The following GALNT18 variants were observed in gnomAD, a reference collection of about 807,000 sequenced individuals.
GALNT18 encodes the protein polypeptide N-acetylgalactosaminyltransferase 18, also known as GalNAc-transferase 18.
A neutral mutation model predicts 69.5 loss-of-function variants in GALNT18; 44 were observed. The ratio of observed to expected loss-of-function variants is 0.63; its 90% CI spans 0.50 to 0.81. The LOEUF (loss-of-function observed/expected upper bound fraction) is 0.81, where lower values mean the gene tolerates loss of function less well. GALNT18 is among the 40% of genes least tolerant of loss of function. The pLI is 0.00. For missense variants in GALNT18, 715 were observed against 810.0 expected, an observed-to-expected ratio of 0.88 and a Z score of 1.42; for synonymous variants, 364 against 318.2, an observed-to-expected ratio of 1.14 and a Z score of -1.53.
intron 2 of GALNT18, among the ~76,000 whole-genome samples, chr11:11,445,619 CG>C (rs1855630197): frequency 6.6e-6 from 1 of 152,186 alleles, no homozygotes; most frequent in East Asian, 1.9e-4. Context: ...GCGTCTGGCA[CG>C]TGAGCTGAAA....
chr11:11,471,527 C>A (rs1173179790), intron 1 of GALNT18, among the ~76,000 whole-genome samples: 1 of 152,092 alleles, frequency 6.6e-6, no homozygotes, highest in East Asian at 1.9e-4. Flanking sequence ...GCTGTGATTC[C>A]CCAGGTCTCT....
At chr11:11,418,481 C>T (rs185017634) in intron 3 of GALNT18, among the ~76,000 whole-genome samples, 1 of 152,258 alleles carries the variant, frequency 6.6e-6, no homozygotes, top group Admixed American at 6.5e-5. Flanking sequence ...TTACCCAAAT[C>T]CATTCAATCA....
intron 1 of GALNT18, among the ~76,000 whole-genome samples, chr11:11,550,518 A>G (rs1435175307): frequency 6.6e-6 from 1 of 152,036 alleles, no homozygotes; most frequent in Non-Finnish European, 1.5e-5. Flanking sequence ...TTCTCTCCTC[A>G]CCACCTACCT....
intron 5 of GALNT18, among the ~76,000 whole-genome samples, chr11:11,376,423 G>A (rs1260897320): frequency 2.0e-5 from 3 of 151,730 alleles, no homozygotes; most frequent in African/African-American, 7.3e-5. Flanking sequence ...AACTAGTGGG[G>A]ACAGCTTTTG....
At position 11,404,248 on chromosome 11, in the gene GALNT18, C is replaced by T. The variant is rs1854535323; in HGVS notation, c.596-24984G>A. On this transcript the variant is annotated intron_variant, in intron 3 of 10. Transcript: ENST00000227756. This position sits in a 1 kb window ranked among gnomAD's most constrained non-coding sequence, Gnocchi z 4.5. The stretch of plus-strand genomic sequence containing the variant: ...TCCAGGAAATGGGGATGGCATTGAT[C>T]ACTGAATTCCCCAGGGGAGCCCTGG... Among the ~76,000 whole-genome samples the T allele has an allele frequency of 6.6e-6, 1 of 152,178 alleles. No individual in the cohort carries two copies. The highest frequency in any genetic ancestry group is 2.4e-5 in the African/African-American group (1 of 41,454).
At chr11:11,290,742 C>T (rs916223527) in intron 10 of GALNT18, among the ~76,000 whole-genome samples, 2 of 152,170 alleles carry the variant, frequency 1.3e-5, no homozygotes, top group African/African-American at 4.8e-5. Context: ...CAACTTCCTG[C>T]ATGGTTCCAT....
rs1261148872 is a variant in GALNT18, at chr11:11,432,428, C to T, written c.595+193G>A. 1.3e-5 allele frequency among the ~76,000 whole-genome samples: 2 copies of T among 152,168 alleles called. No individual in the cohort carries two copies. The highest frequency in any genetic ancestry group is 2.9e-5 in the Non-Finnish European group (2 of 68,030). On this transcript the variant is annotated intron_variant, in intron 3 of 10. Coordinates refer to ENST00000227756, the MANE Select transcript of GALNT18 (RefSeq NM_198516.3). The surrounding 1 kb of genome is among the most constrained non-coding windows in gnomAD (Gnocchi z 5.8). ...GAGAAAAAGCCTAAGGACCAGACCC[C>T]TCTGGGATGCAGAGGCCATGCTCAG...
At chr11:11,302,813 C>T (rs1242747201) in intron 9 of GALNT18, among the ~76,000 whole-genome samples, 2 of 152,238 alleles carry the variant, frequency 1.3e-5, no homozygotes, top group Non-Finnish European at 2.9e-5. Flanking sequence ...TCATTGCACT[C>T]AGCCTTAAAA....
chr11:11,495,775 G>A (rs772350419), intron 1 of GALNT18, among the ~76,000 whole-genome samples: 3 of 152,122 alleles, frequency 2.0e-5, no homozygotes, highest in Admixed American at 6.5e-5. Flanking sequence ...TTATAGAAGC[G>A]GTAGCAGAGG....
At chr11:11,343,132 T>C (rs1850241002) in intron 6 of GALNT18, among the ~76,000 whole-genome samples, 1 of 152,024 alleles carries the variant, frequency 6.6e-6, no homozygotes, top group African/African-American at 2.4e-5. Flanking sequence ...TCACTTGAGC[T>C]TGGGAGTTTG....
In GALNT18 at chr11:11,606,673, C is replaced by A. The variant is rs1179269551; in HGVS notation, c.235+14686G>T. On this transcript the variant is annotated intron_variant, in intron 1 of 10. Coordinates refer to ENST00000227756, the MANE Select transcript of GALNT18 (RefSeq NM_198516.3). The surrounding 1 kb of genome is among the most constrained non-coding windows in gnomAD (Gnocchi z 5.4). ...GGAGACCCTGAAAAGCTGCCCACCT[C>A]TTTGTCCCATAAGCACCTGGTTTCA... Among the ~76,000 whole-genome samples, 1 of 152,170 alleles carries A rather than the reference C, an allele frequency of 6.6e-6. No homozygotes were observed. Among genetic ancestry groups the A allele is most frequent in the Non-Finnish European group, 1.5e-5 (1 of 68,030 alleles).
Position 11,421,773 on chromosome 11 carries a change from G to C in GALNT18, c.595+10848C>G, listed in dbSNP as rs1855010666. ...CAGAGTCTCTGCAGAGGTCAGGACTGGCCACGCTGCTAGCACACAGCATCT... is the reference window on the plus strand; with the variant it reads ...CAGAGTCTCTGCAGAGGTCAGGACTCGCCACGCTGCTAGCACACAGCATCT... On this transcript the variant is annotated intron_variant, in intron 3 of 10. Coordinates refer to ENST00000227756, the MANE Select transcript of GALNT18 (RefSeq NM_198516.3). This position sits in a 1 kb window ranked among gnomAD's most constrained non-coding sequence, Gnocchi z 5.6. 6.6e-6 allele frequency among the ~76,000 whole-genome samples: 1 copy of C among 151,170 alleles called. No homozygotes were observed. The highest frequency in any genetic ancestry group is 6.6e-5 in the Admixed American group (1 of 15,232).
At chr11:11,374,929 G>C (rs1246604882) in intron 5 of GALNT18, among the ~76,000 whole-genome samples, 1 of 152,208 alleles carries the variant, frequency 6.6e-6, no homozygotes, top group African/African-American at 2.4e-5. Context: ...CATGGTCTTA[G>C]AAACAAAATG....
chr11:11,372,542 C>T lies in GALNT18; in HGVS notation c.1065G>A (p.Gly355=). ...GLLDEGMEVY[G]GENVELGIRV... is the part of the protein sequence containing the mutation. ...TGATCCCAAGCTCCACATTCTCGCC[C>T]CCGTAGACTTCCATGCCTTCGTCCA... is the stretch of plus-strand genomic sequence containing the variant. Residue 355 remains glycine, a synonymous_variant, in exon 6 of 11, where the codon GGG becomes GGA. Transcript: ENST00000227756. The surrounding 1 kb of genome is among the most constrained non-coding windows in gnomAD (Gnocchi z 4.9). 3 of 1,614,196 alleles carry T rather than the reference C, an allele frequency of 1.9e-6. No homozygotes were observed. Among genetic ancestry groups the T allele is most frequent in the Non-Finnish European group, 2.5e-6 (3 of 1,180,022 alleles).
At chr11:11,451,666 G>A (rs546245260) in intron 1 of GALNT18, among the ~76,000 whole-genome samples, 1 of 152,310 alleles carries the variant, frequency 6.6e-6, no homozygotes, top group South Asian at 2.1e-4. Context: ...CCACAGAGCA[G>A]GACCACATCT....
At chr11:11,363,670 T>C (rs1256986752) in intron 6 of GALNT18, among the ~76,000 whole-genome samples, 1 of 152,130 alleles carries the variant, frequency 6.6e-6, no homozygotes, top group Non-Finnish European at 1.5e-5. Context: ...TTTAGCTCTA[T>C]AATAATAATA....
At chr11:11,384,084 C>T (rs1179977777) in intron 3 of GALNT18, among the ~76,000 whole-genome samples, 2 of 152,082 alleles carry the variant, frequency 1.3e-5, no homozygotes, top group South Asian at 2.1e-4. Flanking sequence ...CTTGATCATA[C>T]CTCAACAAGG....
At chr11:11,520,458 C>A (rs916501115) in intron 1 of GALNT18, among the ~76,000 whole-genome samples, 1 of 152,198 alleles carries the variant, frequency 6.6e-6, no homozygotes, top group Non-Finnish European at 1.5e-5. Flanking sequence ...ATTCCCCTGC[C>A]CCAGCATGTC....
intron 3 of GALNT18, among the ~76,000 whole-genome samples, chr11:11,398,560 C>T (rs1249262627): frequency 1.3e-5 from 2 of 152,348 alleles, no homozygotes; most frequent in African/African-American, 4.8e-5. Context: ...GGCAGTCGGG[C>T]TTCAGCTCTG....
Sources: allele counts gnomAD v4.1 joint callset (sites outside exome capture counted in the v4.1 genomes callset), GRCh38; gene constraint gnomAD v4.1.1; non-coding constraint Gnocchi (gnomAD v3.1); transcripts MANE v1.5; gene names NCBI Gene and HGNC (gene_info 2026-07-23, HGNC 2026-07-21).